Variants in RBPJ observed in about 807,000 individuals in gnomAD.
RBPJ encodes recombination signal binding protein for immunoglobulin kappa J region.
RBPJ carries 9 observed loss-of-function variants against 67.8 expected under a neutral mutation model. The ratio of observed to expected loss-of-function variants is 0.13; its 90% confidence interval spans 0.08 to 0.23. The LOEUF is 0.23. Among genes scored for constraint, RBPJ ranks in the 10% least tolerant of loss-of-function variants. RBPJ has a pLI of 1.00. For synonymous variants in RBPJ, 198 were observed against 203.3 expected, an observed-to-expected ratio of 0.97 and a Z score of 0.22; for missense variants, 305 against 595.6, an observed-to-expected ratio of 0.51 and a Z score of 5.08.
At chr4:26,391,069 A>G (rs754663212) in intron 2 of RBPJ, among the ~76,000 whole-genome samples, 3 of 152,160 alleles carry the variant, frequency 2.0e-5, no homozygotes, top group Non-Finnish European at 4.4e-5. Flanking sequence ...ATAAATATAT[A>G]TATGGTTAAA....
intron 3 of RBPJ, among the ~76,000 whole-genome samples, chr4:26,411,353 G>A (rs190151104): frequency 4.3e-4 from 65 of 150,742 alleles, no homozygotes; most frequent in African/African-American, 1.5e-3. Flanking sequence ...TTTCTTTTGC[G>A]TGTATTCTTG....
chr4:26,294,697 T>A (rs1721801304), intron 1 of RBPJ, among the ~76,000 whole-genome samples: 1 of 151,834 alleles, frequency 6.6e-6, no homozygotes, highest in South Asian at 2.1e-4. Context: ...CTGGCCAACA[T>A]GGTGAAACCC....
intron 1 of RBPJ, among the ~76,000 whole-genome samples, chr4:26,283,590 CA>C (rs1721355143): frequency 6.6e-6 from 1 of 150,456 alleles, no homozygotes; most frequent in Admixed American, 6.6e-5. Context: ...TTTTCTAAAG[CA>C]AAAGGGGCCT....
intron 8 of RBPJ, 105 bp from the exon 9 acceptor site, chr4:26,429,793 G>A: frequency 1.1e-6 from 1 of 920,868 alleles, no homozygotes. Flanking sequence ...TTTTTACTGA[G>A]TTATCTTCTT....
the RBPJ span, among the ~76,000 whole-genome samples, chr4:26,133,839 C>T: frequency 6.6e-6 from 1 of 151,984 alleles, no homozygotes; most frequent in East Asian, 1.9e-4. Context: ...GGCTTTAGAG[C>T]CCCCTCTTCA....
intron 1 of RBPJ, among the ~76,000 whole-genome samples, chr4:26,279,652 C>G (rs570858729): frequency 6.6e-6 from 1 of 152,246 alleles, no homozygotes; most frequent in African/African-American, 2.4e-5. Flanking sequence ...ATTCTAAGAC[C>G]AGTCCAGACA....
At chr4:26,412,061 G>A (rs1484437207) in intron 3 of RBPJ, among the ~76,000 whole-genome samples, 3 of 149,896 alleles carry the variant, frequency 2.0e-5, no homozygotes, top group Admixed American at 2.0e-4. Context: ...CTTTCAGTGA[G>A]TGGAGGTCGC....
At chr4:26,404,924 C>G (rs189391995) in intron 2 of RBPJ, among the ~76,000 whole-genome samples, 1 of 152,194 alleles carries the variant, frequency 6.6e-6, no homozygotes, top group Non-Finnish European at 1.5e-5. Flanking sequence ...TTTACATAGG[C>G]GTTCCCTTAT....
intron 1 of RBPJ, among the ~76,000 whole-genome samples, chr4:26,229,442 C>G (rs1171102411): frequency 2.0e-5 from 3 of 152,172 alleles, no homozygotes; most frequent in African/African-American, 7.2e-5. Context: ...CCCACAGCAC[C>G]CTCTGGTCTG....
intron 1 of RBPJ, among the ~76,000 whole-genome samples, chr4:26,369,749 T>A (rs1728969714): frequency 6.6e-6 from 1 of 152,218 alleles, no homozygotes; most frequent in Admixed American, 6.5e-5. Flanking sequence ...CTCTCTTTTA[T>A]TTCTCTTCAA....
chr4:26,319,987 C>A, upstream of RBPJ: 2 of 1,099,274 alleles, frequency 1.8e-6, no homozygotes, highest in Non-Finnish European at 2.6e-6. Flanking sequence ...CCGCCTGAAG[C>A]GCGATTCGGG....
At chr4:26,263,879 T>G (rs575092451) in intron 1 of RBPJ, among the ~76,000 whole-genome samples, 5 of 144,458 alleles carry the variant, frequency 3.5e-5, no homozygotes, top group South Asian at 4.4e-4. Flanking sequence ...CTTTTTTTTT[T>G]TTGTTTTTGT....
rs1736439680 is a variant in RBPJ at position 26,433,784 on chromosome 4, G to A, written c.*2777G>A. ...TTCATGGTTTTGTGAATCATTTTCA[G>A]TATGTAATTTATAGGAACCTTGTCC... is the stretch of plus-strand genomic sequence containing the variant. On this transcript the variant is annotated 3_prime_UTR_variant, in exon 11 of 11. Transcript: ENST00000355476. 1 of 152,080 alleles carries A rather than the reference G, an allele frequency of 6.6e-6. No individual in the cohort carries two copies. The highest frequency in any genetic ancestry group is 1.9e-4 in the East Asian group (1 of 5,192). 9.4% of individuals were successfully genotyped at this position (152,080 alleles called of 1,614,324 possible).
chr4:26,380,321 T>C (rs1730185321), intron 1 of RBPJ, among the ~76,000 whole-genome samples: 1 of 152,210 alleles, frequency 6.6e-6, no homozygotes, highest in South Asian at 2.1e-4. Flanking sequence ...AATAGCATAT[T>C]AGGTCCATAA....
intron 1 of RBPJ, among the ~76,000 whole-genome samples, chr4:26,223,400 C>T (rs560894969): frequency 9.3e-4 from 142 of 152,270 alleles, no homozygotes; most frequent in African/African-American, 3.3e-3. Context: ...TATGGGTGCT[C>T]AGAGATGGGA....
chr4:26,425,522 T>TCC, intron 7 of RBPJ, among the ~76,000 whole-genome samples: 1 of 152,006 alleles, frequency 6.6e-6, no homozygotes, highest in African/African-American at 2.4e-5. Context: ...AGTGGGAGGA[T>TCC]CACTTGAGCT....
At chr4:26,230,563 A>G (rs1433512200) in intron 1 of RBPJ, among the ~76,000 whole-genome samples, 1 of 152,258 alleles carries the variant, frequency 6.6e-6, no homozygotes, top group Non-Finnish European at 1.5e-5. Context: ...TGGCAGAGCC[A>G]GGGTTGGACC....
At chr4:26,370,351 C>T (rs192508621) in intron 1 of RBPJ, among the ~76,000 whole-genome samples, 1 of 152,252 alleles carries the variant, frequency 6.6e-6, no homozygotes, top group Admixed American at 6.5e-5. Flanking sequence ...TTTAAAAGCA[C>T]AGGTAATCAA....
chr4:26,163,020 T>C (rs1435251227), upstream of RBPJ, among the ~76,000 whole-genome samples: 1 of 152,292 alleles, frequency 6.6e-6, no homozygotes, highest in Non-Finnish European at 1.5e-5. Flanking sequence ...GGTGACATGG[T>C]ACATGACATC....
Sources: allele counts gnomAD v4.1 joint callset (sites outside exome capture counted in the v4.1 genomes callset), GRCh38; gene constraint gnomAD v4.1.1; transcripts MANE v1.5; gene names NCBI Gene and HGNC (gene_info 2026-07-23, HGNC 2026-07-21).